XKR6: variants seen among roughly 807,000 people sequenced by gnomAD.
The protein encoded by XKR6 is XK related 6.
In XKR6, 22 loss-of-function variants were observed where a neutral mutation model predicts 56.7. The ratio of observed to expected loss-of-function variants is 0.39; its 90% CI spans 0.28 to 0.55. The LOEUF (loss-of-function observed/expected upper bound fraction) is 0.55. Among genes scored for constraint, XKR6 ranks in the 20% least tolerant of loss-of-function variants. XKR6 has a pLI of 0.66. For synonymous variants in XKR6, 524 were observed against 387.8 expected (o/e 1.35, Z -4.13); for missense variants, 852 against 889.0 (o/e 0.96, Z 0.53).
chr8:10,912,316 A>G (rs1222743057), intron 2 of XKR6, among the ~76,000 whole-genome samples: 6 of 51,864 alleles, frequency 1.2e-4, no homozygotes, highest in Admixed American at 7.9e-4. Flanking sequence ...GTATATATAT[A>G]TATATATATA....
chr8:11,028,740 G>A (rs962304198), intron 1 of XKR6, among the ~76,000 whole-genome samples: 14 of 152,158 alleles, frequency 9.2e-5, no homozygotes, highest in African/African-American at 2.4e-4. Flanking sequence ...CTTAATATGA[G>A]CTGGGAACTG....
At chr8:11,184,386 C>T (rs904357604) in intron 1 of XKR6, among the ~76,000 whole-genome samples, 125 of 110,594 alleles carry the variant, frequency 1.1e-3, no homozygotes, top group African/African-American at 5.3e-3. Flanking sequence ...TATATACACA[C>T]ATACACACAC....
intron 1 of XKR6, among the ~76,000 whole-genome samples, chr8:11,157,258 G>A (rs1801566852): frequency 6.6e-6 from 1 of 152,140 alleles, no homozygotes; most frequent in Non-Finnish European, 1.5e-5. Context: ...CCACTAGGCT[G>A]AACCTTGGAA....
intron 1 of XKR6, among the ~76,000 whole-genome samples, chr8:11,055,730 T>C (rs889575592): frequency 1.3e-5 from 2 of 151,850 alleles, no homozygotes; most frequent in African/African-American, 4.8e-5. Flanking sequence ...CTTTCCAGAA[T>C]GACCTGCACA....
intron 1 of XKR6, among the ~76,000 whole-genome samples, chr8:11,042,225 T>C (rs913847212): frequency 2.0e-5 from 3 of 151,800 alleles, no homozygotes; most frequent in Non-Finnish European, 4.4e-5. Flanking sequence ...CAGAAGTGTT[T>C]AGGATTCCTT....
At chr8:10,980,401 C>G (rs1254298882) in intron 1 of XKR6, among the ~76,000 whole-genome samples, 2 of 152,206 alleles carry the variant, frequency 1.3e-5, no homozygotes, top group East Asian at 1.9e-4. Flanking sequence ...AGATATTAAA[C>G]AGGGGATTGA....
chr8:11,013,844 T>C (rs193209316), intron 1 of XKR6, among the ~76,000 whole-genome samples: 21 of 152,378 alleles, frequency 1.4e-4, no homozygotes, highest in African/African-American at 4.6e-4. Context: ...CTGGGACCTC[T>C]TGAGTCATCC....
intron 1 of XKR6, among the ~76,000 whole-genome samples, chr8:10,954,296 G>A (rs140386982): frequency 0.011 from 1,713 of 152,308 alleles, 118 homozygotes; most frequent in Admixed American, 0.1. Flanking sequence ...TGCAATGAGC[G>A]TTCCAATTTC....
chr8:10,999,599 C>G (rs1034504180), intron 1 of XKR6, among the ~76,000 whole-genome samples: 5 of 152,114 alleles, frequency 3.3e-5, no homozygotes, highest in Non-Finnish European at 5.9e-5. Context: ...AGGGAGTATC[C>G]TCTCCTCCCA....
intron 1 of XKR6, among the ~76,000 whole-genome samples, chr8:11,126,458 AT>A (rs879509590): frequency 1.3e-4 from 20 of 148,870 alleles, no homozygotes; most frequent in Admixed American, 7.4e-4. Flanking sequence ...CAGTTCTTGA[AT>A]TTTTTTTTTT....
rs183106660 is a variant in XKR6 at position 11,039,670 on chromosome 8, C to T, written c.765-114840G>A. On this transcript the variant is annotated intron_variant, in intron 1 of 2. Transcript: ENST00000416569. Reference sequence around the variant, plus strand: ...GTAACAGTTCCAGCCTGGTGGCCCACGCCCTCCACAAGGACTCCCACCAAT... The same window carrying T: ...GTAACAGTTCCAGCCTGGTGGCCCATGCCCTCCACAAGGACTCCCACCAAT... Among the ~76,000 whole-genome samples the T allele has an allele frequency of 2.9e-3, 438 of 152,326 alleles. 4 individuals are homozygous for T. The highest frequency in any genetic ancestry group is 1.0e-2 in the African/African-American group (415 of 41,572).
chr8:11,004,212 G>A (rs946806584), intron 1 of XKR6, among the ~76,000 whole-genome samples: 16 of 152,314 alleles, frequency 1.1e-4, no homozygotes, highest in East Asian at 5.8e-4. Flanking sequence ...GGTGGCTCAC[G>A]CCTGTAATCC....
chr8:11,074,890 T>A (rs114136945), intron 1 of XKR6, among the ~76,000 whole-genome samples: 2,535 of 152,186 alleles, frequency 0.017, 59 homozygotes, highest in African/African-American at 0.055. Flanking sequence ...AGACCCAGGA[T>A]GAGGGAAGCA....
At chr8:11,124,124 C>A in intron 1 of XKR6, 1 of 401,686 alleles carries the variant, frequency 2.5e-6, no homozygotes, top group South Asian at 1.8e-5. Context: ...TTTATCTTCC[C>A]TACTAGAATG....
chr8:10,905,060 C>T (rs1228316807), intron 2 of XKR6, among the ~76,000 whole-genome samples: 2 of 152,202 alleles, frequency 1.3e-5, no homozygotes, highest in Admixed American at 6.5e-5. Flanking sequence ...CTCCCCAGCT[C>T]CTTCTTCCTG....
At chr8:11,033,738 A>C (rs1280770572) in intron 1 of XKR6, among the ~76,000 whole-genome samples, 1 of 152,180 alleles carries the variant, frequency 6.6e-6, no homozygotes, top group Non-Finnish European at 1.5e-5. Flanking sequence ...CAACTGAATG[A>C]GAAAGCCTCT....
chr8:10,960,010 G>T (rs181727347), intron 1 of XKR6, among the ~76,000 whole-genome samples: 14 of 136,148 alleles, frequency 1.0e-4, no homozygotes, highest in South Asian at 2.4e-4. Flanking sequence ...TGAAGGTCAG[G>T]GGGGGGCCTC....
chr8:10,977,897 C>T (rs1802614140), intron 1 of XKR6, among the ~76,000 whole-genome samples: 1 of 151,914 alleles, frequency 6.6e-6, no homozygotes, highest in Non-Finnish European at 1.5e-5. Flanking sequence ...AAATGGCAGC[C>T]GTTATCTTGG....
At chr8:10,964,223 G>C (rs576183547) in intron 1 of XKR6, among the ~76,000 whole-genome samples, 1 of 152,294 alleles carries the variant, frequency 6.6e-6, no homozygotes, top group East Asian at 1.9e-4. Context: ...ATTGGACTGT[G>C]GTTGTGGGAG....
Sources: gnomAD v4.1 joint callset for allele counts (sites outside exome capture counted in the v4.1 genomes callset) on GRCh38, gnomAD v4.1.1 for gene constraint, MANE v1.5 for transcripts, NCBI Gene and HGNC (gene_info 2026-07-23, HGNC 2026-07-21) for gene names.